Variants in SND1 observed in about 807,000 individuals in gnomAD.
SND1 encodes the protein staphylococcal nuclease and tudor domain containing 1.
Under a neutral mutation model 121.7 loss-of-function variants are expected in SND1, and 38 were observed. The ratio of observed to expected loss-of-function variants is 0.31; its 90% CI spans 0.24 to 0.41. The LOEUF (loss-of-function observed/expected upper bound fraction) is 0.41. Ranked by LOEUF, SND1 falls within the 10% of genes least tolerant of loss-of-function variation. The pLI is 1.00. For missense variants in SND1, 868 were observed against 1,184.6 expected, an observed-to-expected ratio of 0.73 and a Z score of 3.92; for synonymous variants, 401 against 447.4, an observed-to-expected ratio of 0.90 and a Z score of 1.31.
intron 12 of SND1, among the ~76,000 whole-genome samples, chr7:127,852,067 T>G (rs1280178930): frequency 1.3e-5 from 2 of 151,910 alleles, no homozygotes; most frequent in African/African-American, 4.8e-5. Flanking sequence ...GGCTGAGGCA[T>G]GAGAATCACT....
chr7:128,067,410 C>T (rs907099906), intron 16 of SND1, among the ~76,000 whole-genome samples: 22 of 152,198 alleles, frequency 1.4e-4, no homozygotes, highest in African/African-American at 5.1e-4. Flanking sequence ...GCCTCTAAAG[C>T]CTGTCTGTGG....
chr7:127,910,988 T>G (rs1297922229), intron 14 of SND1, among the ~76,000 whole-genome samples: 1 of 152,200 alleles, frequency 6.6e-6, no homozygotes, highest in Non-Finnish European at 1.5e-5. Context: ...TCTGCAGAAC[T>G]TGCTCTCCAG....
intron 10 of SND1, among the ~76,000 whole-genome samples, chr7:127,747,950 A>G (rs1328340870): frequency 2.0e-5 from 3 of 152,208 alleles, no homozygotes; most frequent in Admixed American, 6.5e-5. Flanking sequence ...GCTCAAATGT[A>G]GTCAATGTTC....
At chr7:128,043,793 A>G (rs1792897814) in intron 16 of SND1, among the ~76,000 whole-genome samples, 1 of 151,494 alleles carries the variant, frequency 6.6e-6, no homozygotes, top group South Asian at 2.1e-4. Context: ...GTGTATAAAT[A>G]CACAATATGT....
chr7:127,843,569 A>T (rs1375806945), intron 11 of SND1, among the ~76,000 whole-genome samples: 2 of 152,154 alleles, frequency 1.3e-5, no homozygotes, highest in Admixed American at 6.6e-5. Flanking sequence ...TCATGGCTTG[A>T]TAGCTCATTT....
At chr7:127,982,775 G>A (rs1421999374) in intron 15 of SND1, among the ~76,000 whole-genome samples, 3 of 152,176 alleles carry the variant, frequency 2.0e-5, no homozygotes, top group African/African-American at 7.2e-5. Flanking sequence ...CTGATTCATT[G>A]ACATCGTTTG....
At chr7:127,737,629 C>G (rs1438400619) in intron 10 of SND1, among the ~76,000 whole-genome samples, 1 of 152,132 alleles carries the variant, frequency 6.6e-6, no homozygotes, top group Non-Finnish European at 1.5e-5. Flanking sequence ...GTTGAGATCT[C>G]TACAGGTTTA....
chr7:127,922,564 A>G lies in SND1; in HGVS notation c.1528-6624A>G, dbSNP rs569511961. On this transcript the variant is annotated intron_variant, in intron 14 of 23. Coordinates refer to ENST00000354725, the MANE Select transcript of SND1 (RefSeq NM_014390.4). ...GTGTTTGTAGATGTCTGACTTTCTTAGGGCTCCTTAAACTCTTAGATGATT... is the reference window on the plus strand; with the variant it reads ...GTGTTTGTAGATGTCTGACTTTCTTGGGGCTCCTTAAACTCTTAGATGATT... 2.6e-5 allele frequency among the ~76,000 whole-genome samples: 4 copies of G among 152,216 alleles called. No homozygotes were observed. The South Asian group carries it at 8.3e-4, about 32-fold the overall frequency.
At chr7:127,901,842 T>G (rs1800237903) in intron 13 of SND1, among the ~76,000 whole-genome samples, 1 of 152,172 alleles carries the variant, frequency 6.6e-6, no homozygotes, top group Admixed American at 6.5e-5. Flanking sequence ...TTCCCAAAAT[T>G]TATGCCAGAA....
At position 127,736,863 on chromosome 7, in the gene SND1, C is replaced by T. The variant is rs3757783; in HGVS notation, c.1152+15463C>T. 1.3e-3 allele frequency among the ~76,000 whole-genome samples: 193 copies of T among 152,214 alleles called. 1 individual carries two copies. The East Asian group carries it at 0.033, about 26-fold the overall frequency. ...CTTTTCTGTTGCCCTGGCTGGGAAC[C>T]GGTGAGATGTTTTATGGGAACACAA... On this transcript the variant is annotated intron_variant, in intron 10 of 23. Transcript: ENST00000354725.
chr7:128,084,815 G>A lies in SND1; in HGVS notation c.2202G>A (p.Glu734=). 1 of 1,602,980 alleles carries A rather than the reference G, an allele frequency of 6.2e-7. No homozygotes were observed. The highest frequency in any genetic ancestry group is 8.5e-7 in the Non-Finnish European group (1 of 1,172,150). The stretch of plus-strand genomic sequence containing the variant: ...GCTCCTATGCCCCCCGCAGGGGAGA[G>A]TTCTGCATTGCCAAATTTGTAGATG... ...VEGSYAPRRG[E]FCIAKFVDGE... The change falls in exon 19 of 24, where the codon GAG becomes GAA. Residue 734 remains glutamate (E), a synonymous_variant. Coordinates refer to ENST00000354725, the MANE Select transcript of SND1 (RefSeq NM_014390.4).
intron 18 of SND1, among the ~76,000 whole-genome samples, chr7:128,083,508 G>A (rs1793640111): frequency 6.6e-6 from 1 of 152,236 alleles, no homozygotes; most frequent in South Asian, 2.1e-4. Flanking sequence ...ATACATCCCT[G>A]CATGCTTATG....
At chr7:127,908,867 G>A (rs1429212739) in intron 14 of SND1, among the ~76,000 whole-genome samples, 2 of 152,178 alleles carry the variant, frequency 1.3e-5, no homozygotes, top group Non-Finnish European at 2.9e-5. Context: ...CAGATACAGA[G>A]TGTAAAACAG....
chr7:127,676,348 T>C (rs1222239064), intron 1 of SND1, among the ~76,000 whole-genome samples: 1 of 152,232 alleles, frequency 6.6e-6, no homozygotes, highest in Non-Finnish European at 1.5e-5. Flanking sequence ...GTCAAGGATC[T>C]TATGTAATAA....
At position 128,016,144 on chromosome 7, in the gene SND1, C is replaced by CTTTT. The variant is rs767867847; in HGVS notation, c.1779+25088_1779+25089insTTTT. Among the ~76,000 whole-genome samples, 5 of 123,002 alleles carry CTTTT rather than the reference C, an allele frequency of 4.1e-5. 1 individual carries two copies. The highest frequency in any genetic ancestry group is 3.6e-5 in the African/African-American group (1 of 28,094). 80.7% of individuals were successfully genotyped at this position (123,002 alleles called of 152,430 possible). ...CTGCTTAAATAGGGAGGAACAACTT[C>CTTTT]CTTTTTTTTTTTTTTTTTTTAAGAG... On this transcript the variant is annotated intron_variant, in intron 16 of 23. Transcript: ENST00000354725.
intron 10 of SND1, among the ~76,000 whole-genome samples, chr7:127,773,310 G>A (rs1797550403): frequency 1.3e-5 from 2 of 151,190 alleles, no homozygotes; most frequent in Admixed American, 1.3e-4. Flanking sequence ...AAATTAGCAA[G>A]GTGTGGTGGC....
In SND1 at chr7:128,092,090, T is replaced by C; in HGVS notation, c.*32T>C. ...GATCGGGTTTGGCCCCCAGCCCCGCTCACGCCAGTCCCTCTTCCTCTGCCG... is the reference window on the plus strand; with the variant it reads ...GATCGGGTTTGGCCCCCAGCCCCGCCCACGCCAGTCCCTCTTCCTCTGCCG... On this transcript the variant is annotated 3_prime_UTR_variant, in exon 24 of 24. Transcript: ENST00000354725. The surrounding 1 kb of genome is among the most constrained non-coding windows in gnomAD (Gnocchi z 4.9). The C allele has an allele frequency of 1.2e-6, 2 of 1,609,272 alleles. No individual in the cohort carries two copies. The highest frequency in any genetic ancestry group is 1.7e-6 in the Non-Finnish European group (2 of 1,175,728).
intron 16 of SND1, among the ~76,000 whole-genome samples, chr7:128,051,062 G>A (rs1221046781): frequency 3.3e-5 from 5 of 152,372 alleles, no homozygotes; most frequent in African/African-American, 9.6e-5. Flanking sequence ...TTTCCAGAGG[G>A]TGGAGTGCTG....
chr7:127,927,165 T>C (rs1271200336), intron 14 of SND1, among the ~76,000 whole-genome samples: 1 of 152,174 alleles, frequency 6.6e-6, no homozygotes. Flanking sequence ...GCAACCTCCT[T>C]GTTAGTTTAA....
Sources: allele counts gnomAD v4.1 joint callset (sites outside exome capture counted in the v4.1 genomes callset), GRCh38; gene constraint gnomAD v4.1.1; non-coding constraint Gnocchi (gnomAD v3.1); transcripts MANE v1.5; gene names NCBI Gene and HGNC (gene_info 2026-07-23, HGNC 2026-07-21).